Variants in KIF5C observed in about 807,000 individuals in gnomAD.
The protein encoded by KIF5C is kinesin heavy chain isoform 5C.
A neutral mutation model predicts 125.2 loss-of-function variants in KIF5C; 18 were observed. That is an observed-to-expected ratio of 0.14 (90% confidence interval 0.10 to 0.21). The LOEUF (loss-of-function observed/expected upper bound fraction) is 0.21, where lower values mean the gene tolerates loss of function less well. Ranked by LOEUF, KIF5C falls within the 10% of genes least tolerant of loss-of-function variation. KIF5C has a pLI of 1.00. For synonymous variants in KIF5C, 405 were observed against 434.0 expected, an observed-to-expected ratio of 0.93 and a Z score of 0.83; for missense variants, 780 against 1,183.8, an observed-to-expected ratio of 0.66 and a Z score of 5.01.
At chr2:148,942,903 G>GC in intron 7 of KIF5C, 143 bp downstream of exon 7, 3 of 1,407,902 alleles carry the variant, frequency 2.1e-6, no homozygotes, top group Non-Finnish European at 2.9e-6. Context: ...CAGACGCCAG[G>GC]GTATGTGTGC....
intron 1 of KIF5C, among the ~76,000 whole-genome samples, chr2:148,917,341 T>TC (rs1410037146): frequency 6.6e-6 from 1 of 152,206 alleles, no homozygotes; most frequent in African/African-American, 2.4e-5. Flanking sequence ...TGCGGATGTC[T>TC]CCTGCTTTTC....
intron 1 of KIF5C, 55 bp downstream of exon 1, chr2:148,875,798 C>G: frequency 6.4e-7 from 1 of 1,560,192 alleles, no homozygotes; most frequent in Non-Finnish European, 8.7e-7. Flanking sequence ...GCTGGGCGCC[C>G]CGACGCCCCA....
At chr2:148,934,083 A>T (rs1005621739) in intron 3 of KIF5C, among the ~76,000 whole-genome samples, 2 of 143,462 alleles carry the variant, frequency 1.4e-5, no homozygotes. Flanking sequence ...ACACACACAG[A>T]CATATATATC....
Position 148,937,392 on chromosome 2 carries a change from C to T in KIF5C, c.396+4C>T, listed in dbSNP as rs550581047. On this transcript the variant is annotated splice_donor_region_variant and intron_variant, in intron 4 of 25. Transcript: ENST00000435030. Reference sequence around the variant, plus strand: ...GAACCTGGAGTTTCACATAAAGGTACGTATTACTGATTGGTCCCCAGAGAA... The same window carrying T: ...GAACCTGGAGTTTCACATAAAGGTATGTATTACTGATTGGTCCCCAGAGAA... The T allele has an allele frequency of 1.5e-5, 24 of 1,578,668 alleles. No homozygotes were observed. Among genetic ancestry groups the T allele is most frequent in the East Asian group, 2.3e-5 (1 of 43,426 alleles).
At chr2:149,006,272 C>T (rs1483922630) in intron 22 of KIF5C, among the ~76,000 whole-genome samples, 1 of 151,974 alleles carries the variant, frequency 6.6e-6, no homozygotes, top group African/African-American at 2.4e-5. Flanking sequence ...AAATGTCTTA[C>T]AAAGATAGAG....
intron 1 of KIF5C, among the ~76,000 whole-genome samples, chr2:148,906,294 G>GA (rs1248961563): frequency 6.6e-6 from 1 of 152,220 alleles, no homozygotes; most frequent in Non-Finnish European, 1.5e-5. Flanking sequence ...ACCAGGCTGT[G>GA]AAAGTGGAGA....
chr2:148,877,061 ACGTTTTCCAGCCCGG>A (rs1681214446), intron 1 of KIF5C, among the ~76,000 whole-genome samples: 1 of 152,158 alleles, frequency 6.6e-6, no homozygotes, highest in Non-Finnish European at 1.5e-5. Context: ...CCAGAGGCCG[ACGTTTTCCAGCCCGG>A]GCGGTCCCCA....
At chr2:148,991,348 T>C (rs982008190) in intron 16 of KIF5C, 150 bp downstream of exon 16, 31 of 1,348,430 alleles carry the variant, frequency 2.3e-5, no homozygotes, top group Non-Finnish European at 2.9e-5. Flanking sequence ...AGCCCAGGTC[T>C]ATTCCTAGGG....
intron 1 of KIF5C, among the ~76,000 whole-genome samples, chr2:148,892,479 A>G (rs1448742723): frequency 6.6e-6 from 1 of 152,242 alleles, no homozygotes; most frequent in Non-Finnish European, 1.5e-5. Flanking sequence ...AACCTGGGCT[A>G]TACTTAAAAG....
chr2:148,945,466 TG>T (rs1261099570), intron 7 of KIF5C, among the ~76,000 whole-genome samples: 1 of 152,252 alleles, frequency 6.6e-6, no homozygotes, highest in Non-Finnish European at 1.5e-5. Flanking sequence ...GATTTATTTC[TG>T]GGCCCTTTAT....
chr2:148,883,202 AGGTAAAAATTACATTTT>A (rs1453708899), intron 1 of KIF5C, among the ~76,000 whole-genome samples: 2 of 152,216 alleles, frequency 1.3e-5, no homozygotes, highest in African/African-American at 4.8e-5. Context: ...ATCATAAAGA[AGGTAAAAATTACATTTT>A]GGCCAGGCGC....
chr2:148,892,209 G>C (rs1430120820), intron 1 of KIF5C, among the ~76,000 whole-genome samples: 1 of 152,194 alleles, frequency 6.6e-6, no homozygotes, highest in East Asian at 1.9e-4. Flanking sequence ...ACCAGGAATT[G>C]AGAATGTTTG....
intron 1 of KIF5C, among the ~76,000 whole-genome samples, chr2:148,910,998 G>A (rs1436177766): frequency 6.6e-6 from 1 of 152,186 alleles, no homozygotes; most frequent in Non-Finnish European, 1.5e-5. Flanking sequence ...AGGAGAAGGA[G>A]GCAGAGAAGA....
At chr2:148,930,587 C>A (rs1456658906) in intron 3 of KIF5C, among the ~76,000 whole-genome samples, 18 of 152,158 alleles carry the variant, frequency 1.2e-4, no homozygotes, top group Admixed American at 1.2e-3. Context: ...GCTTATGAAT[C>A]ATTCCTATTG....
At chr2:148,941,063 C>T (rs1026104370) in intron 4 of KIF5C, among the ~76,000 whole-genome samples, 1 of 152,222 alleles carries the variant, frequency 6.6e-6, no homozygotes, top group Non-Finnish European at 1.5e-5. Context: ...TTTCTTCTCA[C>T]AGTCTAACCA....
At chr2:148,982,814 A>G (rs1187934065) in intron 14 of KIF5C, among the ~76,000 whole-genome samples, 2 of 152,276 alleles carry the variant, frequency 1.3e-5, no homozygotes, top group Admixed American at 1.3e-4. Context: ...CCATGAAACC[A>G]AAGTATTACT....
At position 149,018,900 on chromosome 2, in the gene KIF5C, T is replaced by C. The variant is rs890574218; in HGVS notation, c.*8-4178T>C. ...TATATGGGTTATATTTATTGATATGTATCATATTAGAAATTAAAGCAAAAT... is the reference window on the plus strand; with the variant it reads ...TATATGGGTTATATTTATTGATATGCATCATATTAGAAATTAAAGCAAAAT... On this transcript the variant is annotated intron_variant, in intron 25 of 25. Coordinates refer to ENST00000435030, the MANE Select transcript of KIF5C (RefSeq NM_004522.3). Among the ~76,000 whole-genome samples the C allele has an allele frequency of 2.6e-5, 4 of 152,164 alleles. No homozygotes were observed. The South Asian group carries it at 8.3e-4, about 31-fold the overall frequency.
intron 8 of KIF5C, 91 bp from the exon 9 acceptor site, chr2:148,949,748 C>CT: frequency 6.7e-7 from 1 of 1,487,746 alleles, no homozygotes; most frequent in Non-Finnish European, 9.0e-7. Context: ...TTCCAGGAGG[C>CT]TGTCCCCCTT....
At chr2:148,996,456 G>C (rs1248647703) in intron 17 of KIF5C, among the ~76,000 whole-genome samples, 1 of 152,236 alleles carries the variant, frequency 6.6e-6, no homozygotes, top group African/African-American at 2.4e-5. Context: ...CTTGCATCCG[G>C]TGGTTCCTGC....
Sources: allele counts gnomAD v4.1 joint callset (sites outside exome capture counted in the v4.1 genomes callset), GRCh38; gene constraint gnomAD v4.1.1; transcripts MANE v1.5; gene names NCBI Gene and HGNC (gene_info 2026-07-23, HGNC 2026-07-21).